EFTUD2: variants seen among roughly 807,000 people sequenced by gnomAD.
EFTUD2 encodes the protein 116 kDa U5 small nuclear ribonucleoprotein component.
Under a neutral mutation model 114.3 loss-of-function variants are expected in EFTUD2, and 9 were observed. The observed-to-expected ratio is 0.08, with a 90% CI of 0.05 to 0.14. The LOEUF (loss-of-function observed/expected upper bound fraction) is 0.14. EFTUD2 is among the 10% of genes least tolerant of loss of function. The pLI, the probability that EFTUD2 is intolerant of heterozygous loss-of-function variation, is 1.00. For synonymous variants in EFTUD2, 449 were observed against 462.3 expected, an observed-to-expected ratio of 0.97 and a Z score of 0.37; for missense variants, 765 against 1,241.2, an observed-to-expected ratio of 0.62 and a Z score of 5.76.
chr17:44,860,595 ATTTTT>A (rs34404174), intron 16 of EFTUD2, 52 bp from the exon 17 acceptor site: 608 of 670,572 alleles, frequency 9.1e-4, no homozygotes, highest in South Asian at 1.3e-3. Context: ...GCATTCCCTA[ATTTTT>A]TTTTTTTTTT....
chr17:44,883,459 A>G, intron 5 of EFTUD2, 190 bp downstream of exon 5: 2 of 633,248 alleles, frequency 3.2e-6, no homozygotes, highest in South Asian at 3.9e-5. Flanking sequence ...GTGGCTTAGG[A>G]ACAGGCTCCA....
intron 2 of EFTUD2, among the ~76,000 whole-genome samples, chr17:44,893,395 A>T (rs543368237): frequency 6.6e-6 from 1 of 152,336 alleles, no homozygotes; most frequent in Non-Finnish European, 1.5e-5. Flanking sequence ...TGCTGGGATT[A>T]CAGGCATGAG....
At chr17:44,886,564 G>A (rs371124125) in intron 3 of EFTUD2, 21 bp downstream of exon 3, 16 of 1,613,928 alleles carry the variant, frequency 9.9e-6, no homozygotes, top group Middle Eastern at 1.6e-4. Flanking sequence ...ACTCCGCACA[G>A]CCCATGTCCT....
In EFTUD2 at chr17:44,854,473, A is replaced by T. The variant is rs2050511350; in HGVS notation, c.2259+83T>A. 1 of 1,579,622 alleles carries T rather than the reference A, an allele frequency of 6.3e-7. No homozygotes were observed. Among genetic ancestry groups the T allele is most frequent in the Non-Finnish European group, 8.6e-7 (1 of 1,160,112 alleles). On this transcript the variant is annotated intron_variant, in intron 22 of 27. Transcript: ENST00000426333. The surrounding 1 kb of genome is among the most constrained non-coding windows in gnomAD (Gnocchi z 4.3). Reference sequence around the variant, plus strand: ...TGTCCTTCACCAGAGGACACAAGATACTTTTGGGAAAAGAACACTTTGTAG... The same window carrying T: ...TGTCCTTCACCAGAGGACACAAGATTCTTTTGGGAAAAGAACACTTTGTAG...
Position 44,859,918 on chromosome 17 carries a change from G to T in EFTUD2, c.1847C>A (p.Ser616Tyr). The T allele has an allele frequency of 6.2e-7, 1 of 1,614,210 alleles. No individual in the cohort carries two copies. The highest frequency in any genetic ancestry group is 8.5e-7 in the Non-Finnish European group (1 of 1,180,052). Residue 616 changes from serine (S) to tyrosine (Y), a missense_variant, in exon 18 of 28, where the codon TCC becomes TAC. Transcript: ENST00000426333. ...CCATGGGCATACCTTGGTGGTGAGG[G>T]ATGGATAGCTCTTGTTGACCTTGCG... ...GLRKVNKSYP[S>Y]LTTKVEESGE...
chr17:44,868,197 T>A, intron 12 of EFTUD2, 90 bp downstream of exon 12: 1 of 1,224,206 alleles, frequency 8.2e-7, no homozygotes, highest in South Asian at 1.6e-5. Flanking sequence ...AAAGTAGGTA[T>A]TTAATCTTTG....
chr17:44,885,826 A>G (rs2051161617), intron 3 of EFTUD2, among the ~76,000 whole-genome samples: 1 of 151,916 alleles, frequency 6.6e-6, no homozygotes, highest in Admixed American at 6.6e-5. Flanking sequence ...ATGGGGTTTC[A>G]CCATGTTGCC....
chr17:44,872,312 A>C, intron 11 of EFTUD2, 134 bp downstream of exon 11: 1 of 1,206,972 alleles, frequency 8.3e-7, no homozygotes, highest in Admixed American at 2.0e-5. Context: ...AAGACCCCCA[A>C]ATGTGATAAT....
At chr17:44,889,824 T>C (rs1236074578) in intron 2 of EFTUD2, among the ~76,000 whole-genome samples, 3 of 152,330 alleles carry the variant, frequency 2.0e-5, no homozygotes, top group African/African-American at 4.8e-5. Context: ...TGGCTCCAAA[T>C]AGCTATCAAG....
rs1261133336 is a variant in EFTUD2, at chr17:44,854,119, AG to A, written c.2347+149del. The A allele has an allele frequency of 7.0e-7, 1 of 1,427,374 alleles. No homozygotes were observed. Among genetic ancestry groups the A allele is most frequent in the Non-Finnish European group, 9.3e-7 (1 of 1,078,474 alleles). 88.4% of individuals were successfully genotyped at this position (1,427,374 alleles called of 1,614,324 possible). ...TACACCACCAGGATAAGGAAGGAAAAGGGAAGAAGCTGGCCCAGGACTTGGG... is the reference window on the plus strand; with the variant it reads ...TACACCACCAGGATAAGGAAGGAAAAGGAAGAAGCTGGCCCAGGACTTGGG... On this transcript the variant is annotated intron_variant, in intron 23 of 27. Coordinates refer to ENST00000426333, the MANE Select transcript of EFTUD2 (RefSeq NM_004247.4). This position sits in a 1 kb window ranked among gnomAD's most constrained non-coding sequence, Gnocchi z 4.3.
rs1450452081 is a variant in EFTUD2 at position 44,850,808 on chromosome 17, C to A, written c.*466G>T. The stretch of plus-strand genomic sequence containing the variant: ...GACCCAGGCAGGAAGGAGGCTGCAG[C>A]TGGAAGCAGAGGCAGTGAAGCCTCT... On this transcript the variant is annotated 3_prime_UTR_variant, in exon 28 of 28. Coordinates refer to ENST00000426333, the MANE Select transcript of EFTUD2 (RefSeq NM_004247.4). The A allele has an allele frequency of 4.3e-6, 1 of 231,496 alleles. No individual in the cohort carries two copies. The highest frequency in any genetic ancestry group is 8.6e-6 in the Non-Finnish European group (1 of 115,758). The allele number at this position is 231,496 out of a possible 1,614,324, so 14.3% of individuals were successfully genotyped here. A position where few individuals can be genotyped will look rare whatever the true frequency, so the allele number is the denominator to read the frequency against.
intron 19 of EFTUD2, among the ~76,000 whole-genome samples, 158 bp downstream of exon 19, chr17:44,858,922 C>A (rs974169293): frequency 1.3e-5 from 2 of 152,064 alleles, no homozygotes; most frequent in Admixed American, 6.6e-5. Context: ...AGGGGGCAAA[C>A]CAGTTCTCAA....
intron 13 of EFTUD2, among the ~76,000 whole-genome samples, chr17:44,867,267 T>G (rs938123053): frequency 3.0e-4 from 46 of 152,062 alleles, no homozygotes; most frequent in Non-Finnish European, 5.7e-4. Flanking sequence ...AGGAGAAGTC[T>G]TTTCTTTCAT....
chr17:44,859,032 G>T (rs767891030), intron 19 of EFTUD2, 48 bp downstream of exon 19: 5 of 1,258,630 alleles, frequency 4.0e-6, no homozygotes, highest in Admixed American at 1.7e-5. Context: ...TTGGTCACTT[G>T]TGAAAAGTCT....
Position 44,850,113 on chromosome 17 carries a change from C to T in EFTUD2, c.*1161G>A. 2.0e-6 allele frequency: 1 copy of T among 501,418 alleles called. No homozygotes were observed. The highest frequency in any genetic ancestry group is 3.6e-6 in the Non-Finnish European group (1 of 275,460). The allele number at this position is 501,418 out of a possible 1,614,324, so 31.1% of individuals were successfully genotyped here. A position where few individuals can be genotyped will look rare whatever the true frequency, so the allele number is the denominator to read the frequency against. On this transcript the variant is annotated 3_prime_UTR_variant, in exon 28 of 28. Transcript: ENST00000426333. Reference sequence around the variant, plus strand: ...GCTGCTGTGAGGTTTCTCAGATACACAATACATGTGAAAGTGTTTCGTGAA... The same window carrying T: ...GCTGCTGTGAGGTTTCTCAGATACATAATACATGTGAAAGTGTTTCGTGAA...
At chr17:44,864,675 C>A (rs1351374718) in intron 14 of EFTUD2, among the ~76,000 whole-genome samples, 1 of 152,154 alleles carries the variant, frequency 6.6e-6, no homozygotes, top group Non-Finnish European at 1.5e-5. Flanking sequence ...CAGAGCCTGC[C>A]TCCCCATCTC....
At chr17:44,867,155 C>T (rs1017431464) in intron 13 of EFTUD2, among the ~76,000 whole-genome samples, 11 of 152,100 alleles carry the variant, frequency 7.2e-5, no homozygotes, top group African/African-American at 2.7e-4. Flanking sequence ...AGCAGGAGGA[C>T]TTTCACAATT....
rs748956109 is a variant in EFTUD2, at chr17:44,860,029, G to C, written c.1736C>G (p.Pro579Arg). ...RGNEEAQIFR[P>R]LKFNTTSVIK... ...AACAGATGTGGTATTGAACTTCAAG[G>C]GTCGGAAAATCTGAGCCTGAGATCC... is the stretch of plus-strand genomic sequence containing the variant. Residue 579 changes from proline to arginine, a missense_variant, in exon 18 of 28, where the codon CCC (proline) becomes CGC (arginine). This residue lies in a region of EFTUD2 where 149 missense variants were observed against 245.1 expected (regional missense o/e 0.61). Transcript: ENST00000426333. 1 of 1,614,034 alleles carries C rather than the reference G, an allele frequency of 6.2e-7. No individual in the cohort carries two copies. The highest frequency in any genetic ancestry group is 8.5e-7 in the Non-Finnish European group (1 of 1,180,042).
intron 20 of EFTUD2, among the ~76,000 whole-genome samples, chr17:44,856,478 C>T (rs559896161): frequency 1.4e-4 from 21 of 149,936 alleles, no homozygotes; most frequent in South Asian, 1.3e-3. Context: ...TACAGTGAGG[C>T]GAGATCGTGC....
Sources: gnomAD v4.1 joint callset for allele counts (sites outside exome capture counted in the v4.1 genomes callset) on GRCh38, gnomAD v4.1.1 for gene constraint, gnomAD v4.1.1 regional missense constraint, Gnocchi (gnomAD v3.1) non-coding constraint, MANE v1.5 for transcripts, NCBI Gene and HGNC (gene_info 2026-07-23, HGNC 2026-07-21) for gene names.